GSN: variants seen among roughly 807,000 people sequenced by gnomAD.
The protein encoded by GSN is actin-depolymerizing factor.
In GSN, 56 loss-of-function variants were observed where a neutral mutation model predicts 85.7. The ratio of observed to expected loss-of-function variants is 0.65; its 90% CI spans 0.53 to 0.82. The LOEUF (loss-of-function observed/expected upper bound fraction) is 0.82, where lower values mean the gene tolerates loss of function less well. Ranked by LOEUF, GSN falls within the 40% of genes least tolerant of loss-of-function variation. The probability of loss-of-function intolerance (pLI) is 0.00; values close to 1 mark genes in which losing one functional copy is unlikely to be tolerated. For synonymous variants in GSN, 373 were observed against 399.1 expected (o/e 0.93, Z 0.78); for missense variants, 857 against 979.8 (o/e 0.87, Z 1.67).
chr9:121,297,470 A>T (rs1349313779), intron 2 of GSN, among the ~76,000 whole-genome samples: 2 of 152,172 alleles, frequency 1.3e-5, no homozygotes, highest in East Asian at 3.8e-4. Flanking sequence ...TCAGGCAGCC[A>T]CGGCAATGTT....
intron 2 of GSN, among the ~76,000 whole-genome samples, chr9:121,296,665 C>T (rs4836847): frequency 0.38 from 57,345 of 152,098 alleles, 13,499 homozygotes; most frequent in East Asian, 0.62. Context: ...ACTCGGGCCT[C>T]TTCCTTTCCA....
At chr9:121,323,847 C>T (rs1203122545) in intron 11 of GSN, among the ~76,000 whole-genome samples, 1 of 152,144 alleles carries the variant, frequency 6.6e-6, no homozygotes, top group Non-Finnish European at 1.5e-5. Context: ...CTCAATTTGA[C>T]AACCCCAGAC....
chr9:121,318,807 C>A lies in GSN; in HGVS notation c.1118C>A (p.Ala373Asp), dbSNP rs1377703104. ...IANVERVPFD[A>D]ATLHTSTAMA... Reference sequence around the variant, plus strand: ...AACGTGGAGCGGGTGCCCTTCGACGCCGCCACCCTGCACACCTCCACTGCC... The same window carrying A: ...AACGTGGAGCGGGTGCCCTTCGACGACGCCACCCTGCACACCTCCACTGCC... Residue 373 changes from alanine (A) to aspartate (D), a missense_variant, in exon 10 of 18, where the codon GCC becomes GAC. Transcript: ENST00000432226. This position sits in a 1 kb window ranked among gnomAD's most constrained non-coding sequence, Gnocchi z 4.3. 6.2e-7 allele frequency: 1 copy of A among 1,614,140 alleles called. No homozygotes were observed. The highest frequency in any genetic ancestry group is 1.7e-5 in the Admixed American group (1 of 60,028).
chr9:121,221,069 C>T (rs1256991611), intron 4 of GSN, among the ~76,000 whole-genome samples: 1 of 152,240 alleles, frequency 6.6e-6, no homozygotes, highest in Non-Finnish European at 1.5e-5. Context: ...CCATCTCCTG[C>T]TCTCTTCAGC....
In GSN at chr9:121,249,670, T is replaced by G. The variant is rs567567002; in HGVS notation, c.-341+1347T>G. 1.7e-4 allele frequency among the ~76,000 whole-genome samples: 26 copies of G among 152,310 alleles called. No homozygotes were observed. The East Asian group carries it at 4.2e-3, about 25-fold the overall frequency. ...TTTGGGCAGCAATATTTTTTTCCAC[T>G]TCCTGTTTTCTGGTGTCTGATTCCT... On this transcript the variant is annotated intron_variant, in intron 6 of 24. Transcript: ENST00000373823.
chr9:121,270,766 C>A (rs10985196), intron 1 of GSN, among the ~76,000 whole-genome samples: 42,583 of 152,030 alleles, frequency 0.28, 7,000 homozygotes, highest in African/African-American at 0.46. Flanking sequence ...CTTTCCCCTA[C>A]TCCATGTGAA....
At chr9:121,330,035 C>T (rs536803886) in intron 16 of GSN, among the ~76,000 whole-genome samples, 6 of 152,306 alleles carry the variant, frequency 3.9e-5, no homozygotes, top group Admixed American at 2.0e-4. Flanking sequence ...CAGGGATGCT[C>T]GGAATCCCCA....
At chr9:121,259,372 T>A (rs2055032623) in intron 6 of GSN, among the ~76,000 whole-genome samples, 1 of 152,190 alleles carries the variant, frequency 6.6e-6, no homozygotes, top group Non-Finnish European at 1.5e-5. Flanking sequence ...ACGGAGGGGC[T>A]GCTAATGTAA....
intron 5 of GSN, among the ~76,000 whole-genome samples, chr9:121,247,128 CA>C (rs5900477): frequency 0.037 from 5,596 of 152,242 alleles, 303 homozygotes; most frequent in Admixed American, 0.14. Context: ...TGCGGAAAGT[CA>C]GCCAGCAGGG....
At chr9:121,312,537 G>A (rs779374262) in intron 6 of GSN, 49 bp downstream of exon 6, 7 of 1,472,748 alleles carry the variant, frequency 4.8e-6, no homozygotes, top group Non-Finnish European at 6.4e-6. Context: ...CGCTGCTCAT[G>A]ACTTTCTTCT....
chr9:121,277,230 A>C (rs939170225), intron 1 of GSN, among the ~76,000 whole-genome samples: 1 of 152,254 alleles, frequency 6.6e-6, no homozygotes, highest in Non-Finnish European at 1.5e-5. Flanking sequence ...TGACATCATG[A>C]AAGATGTCTT....
At chr9:121,273,264 C>T (rs2056232357) in intron 1 of GSN, among the ~76,000 whole-genome samples, 1 of 152,116 alleles carries the variant, frequency 6.6e-6, no homozygotes, top group Non-Finnish European at 1.5e-5. Context: ...ATCATCAGAG[C>T]CAAGCTTATT....
chr9:121,223,243 G>C (rs1444990889), intron 4 of GSN, among the ~76,000 whole-genome samples: 1 of 152,140 alleles, frequency 6.6e-6, no homozygotes, highest in Non-Finnish European at 1.5e-5. Context: ...CCCTGGCTTT[G>C]ACCAATTCTC....
chr9:121,299,396 C>T lies in GSN; in HGVS notation c.-9-2567C>T, dbSNP rs1032174117. ...AAGCTGTGTGCAAGTTGCTTCACCA[C>T]TCTGCGCTGTTCCCCCCTCTGTAAA... On this transcript the variant is annotated intron_variant, in intron 2 of 17. Transcript: ENST00000432226. The surrounding 1 kb of genome is among the most constrained non-coding windows in gnomAD (Gnocchi z 4.2). 2.5e-5 allele frequency: 24 copies of T among 973,352 alleles called. No homozygotes were observed. The Middle Eastern group carries it at 1.6e-3, about 64-fold the overall frequency. The allele number at this position is 973,352 out of a possible 1,614,324, so 60.3% of individuals were successfully genotyped here.
At chr9:121,331,518 T>C in intron 17 of GSN, 70 bp downstream of exon 17, 1 of 902,086 alleles carries the variant, frequency 1.1e-6, no homozygotes. Context: ...GTGGCTCCTG[T>C]ACAGGTCTGG....
intron 6 of GSN, 87 bp downstream of exon 6, chr9:121,312,575 G>A: frequency 1.0e-6 from 1 of 998,616 alleles, no homozygotes. Context: ...AGGTGAATTT[G>A]AGGAAAAAAA....
At chr9:121,259,911 G>T (rs1332165786) in intron 6 of GSN, among the ~76,000 whole-genome samples, 2 of 152,132 alleles carry the variant, frequency 1.3e-5, no homozygotes, top group Non-Finnish European at 2.9e-5. Flanking sequence ...GTCTTTCTGG[G>T]GTACTTCACC....
chr9:121,247,902 G>A (rs964165899), intron 5 of GSN, among the ~76,000 whole-genome samples: 14 of 10,900 alleles, frequency 1.3e-3, no homozygotes, highest in African/African-American at 3.0e-3. Flanking sequence ...ACCACACCCC[G>A]CCACTGCAAG....
At chr9:121,232,750 A>G (rs1313492775) in intron 5 of GSN, among the ~76,000 whole-genome samples, 1 of 152,240 alleles carries the variant, frequency 6.6e-6, no homozygotes, top group African/African-American at 2.4e-5. Flanking sequence ...GCCAAAGGAA[A>G]GGCAACAGTT....
Sources: gnomAD v4.1 joint callset for allele counts (sites outside exome capture counted in the v4.1 genomes callset) on GRCh38, gnomAD v4.1.1 for gene constraint, Gnocchi (gnomAD v3.1) non-coding constraint, MANE v1.5 for transcripts, NCBI Gene and HGNC (gene_info 2026-07-23, HGNC 2026-07-21) for gene names.